Variants in SCG2 observed in about 807,000 individuals in gnomAD.
SCG2 encodes the protein secretogranin II.
A neutral mutation model predicts 49.5 loss-of-function variants in SCG2; 23 were observed. The observed-to-expected ratio is 0.46, with a 90% CI of 0.33 to 0.66. The LOEUF is 0.66. Among genes scored for constraint, SCG2 ranks in the 30% least tolerant of loss-of-function variants. The pLI is 0.01. For synonymous variants in SCG2, 288 were observed against 260.4 expected, an observed-to-expected ratio of 1.11 and a Z score of -1.02; for missense variants, 730 against 728.2, an observed-to-expected ratio of 1.00 and a Z score of -0.03.
At chr2:223,600,721 A>T (rs1691377237) in intron 1 of SCG2, among the ~76,000 whole-genome samples, 1 of 152,116 alleles carries the variant, frequency 6.6e-6, no homozygotes, top group Non-Finnish European at 1.5e-5. Context: ...CTTAGTTATG[A>T]AAACATTTTA....
Position 223,597,636 on chromosome 2 carries a change from C to A in SCG2, c.1647G>T (p.Glu549Asp). Residue 549 changes from glutamate (E) to aspartate (D), a missense_variant, in exon 2 of 2, where the codon GAG (glutamate) becomes GAT (aspartate). By Grantham distance (45) the Glu-to-Asp change is conservative. Coordinates refer to ENST00000305409, the MANE Select transcript of SCG2 (RefSeq NM_003469.5). ...CCTGAGAGCTGCCTTGATTCAAATG[C>A]TCTTTGATGGCCTGCTCAATTTGTT... ...EEEQIEQAIK[E>D]HLNQGSSQET... is the part of the protein sequence containing the mutation. The A allele has an allele frequency of 5.0e-6, 8 of 1,614,082 alleles. No individual in the cohort carries two copies. The highest frequency in any genetic ancestry group is 6.8e-6 in the Non-Finnish European group (8 of 1,179,988).
intron 1 of SCG2, among the ~76,000 whole-genome samples, chr2:223,601,091 C>T (rs897127553): frequency 6.6e-6 from 1 of 152,102 alleles, no homozygotes; most frequent in Non-Finnish European, 1.5e-5. Flanking sequence ...CTGCACTTTG[C>T]TGTAAAGTTG....
rs1278465420 is a variant in SCG2 at position 223,598,049 on chromosome 2, T to G, written c.1234A>C (p.Lys412Gln). The G allele has an allele frequency of 2.5e-5, 40 of 1,607,478 alleles. No individual in the cohort carries two copies. The Admixed American group carries it at 6.7e-4, about 27-fold the overall frequency. The change falls in exon 2 of 2, where the codon AAG becomes CAG. Residue 412 changes from lysine to glutamine, a missense_variant. Physicochemically the swap from Lys to Gln is moderately conservative, Grantham distance 53 (BLOSUM62 1). Coordinates refer to ENST00000305409, the MANE Select transcript of SCG2 (RefSeq NM_003469.5). ...PDLFQNRMLSKSGYPKTPGRA... is the reference protein window; with the variant it reads ...PDLFQNRMLSQSGYPKTPGRA... ...CCAGGTGTTTTAGGGTAGCCACTCT[T>G]GGAGAGCATCCTATTTTGGAACAGG...
chr2:223,599,987 G>A (rs1262763554), intron 1 of SCG2, among the ~76,000 whole-genome samples: 1 of 152,120 alleles, frequency 6.6e-6, no homozygotes, highest in Admixed American at 6.5e-5. Context: ...CAGAACACGG[G>A]TCTTCTCAGA....
At chr2:223,599,382 G>C in intron 1 of SCG2, 86 bp from the exon 2 acceptor site, 1,271 of 1,021,176 alleles carry the variant, frequency 1.2e-3, no homozygotes, top group Non-Finnish European at 1.6e-3. Flanking sequence ...TTGAGGTGAG[G>C]AAAAAACATA....
rs1239394565 is a variant in SCG2, at chr2:223,598,180, A to G, written c.1103T>C (p.Met368Thr). 1 of 1,614,114 alleles carries G rather than the reference A, an allele frequency of 6.2e-7. No homozygotes were observed. The highest frequency in any genetic ancestry group is 1.7e-5 in the Admixed American group (1 of 60,004). Residue 368 changes from methionine (M) to threonine (T), a missense_variant, in exon 2 of 2, where the codon ATG becomes ACG. By Grantham distance (81) the Met-to-Thr change is moderately conservative (BLOSUM62 -1). Coordinates refer to ENST00000305409, the MANE Select transcript of SCG2 (RefSeq NM_003469.5). Reference protein sequence around the residue: ...LQIPPEDLIEMLKTGEKPNGS... With the variant: ...LQIPPEDLIETLKTGEKPNGS... ...ATTCGGCTTCTCCCCAGTTTTGAGC[A>G]TCTCAATTAAGTCTTCTGGGGGTAT...
chr2:223,599,927 A>T (rs1387920395), intron 1 of SCG2, among the ~76,000 whole-genome samples: 1 of 152,204 alleles, frequency 6.6e-6, no homozygotes, highest in Non-Finnish European at 1.5e-5. Flanking sequence ...TTTTTCAGAA[A>T]TAACTTGTTC....
intron 1 of SCG2, 119 bp from the exon 2 acceptor site, chr2:223,599,415 C>A: frequency 1.3e-6 from 1 of 785,530 alleles, no homozygotes; most frequent in Non-Finnish European, 1.9e-6. Context: ...TCACATTAAG[C>A]TTAGGATAAC....
At position 223,597,988 on chromosome 2, in the gene SCG2, C is replaced by T. The variant is rs1200159958; in HGVS notation, c.1295G>A (p.Ser432Asn). The change falls in exon 2 of 2, where the codon AGT becomes AAT. Residue 432 changes from serine (S) to asparagine (N), a missense_variant. Physicochemically the swap from Ser to Asn is conservative, Grantham distance 46. Transcript: ENST00000305409. ...TAAAAGATTTAAAATATCCTCAACA[C>T]TGAGCCCGTCTGGTAGGGCCTCAGT... ...AGTEALPDGL[S>N]VEDILNLLGM... 4.3e-6 allele frequency: 7 copies of T among 1,614,048 alleles called. No individual in the cohort carries two copies. The highest frequency in any genetic ancestry group is 5.9e-6 in the Non-Finnish European group (7 of 1,179,980).
chr2:223,598,668 C>T lies in SCG2; in HGVS notation c.615G>A (p.Leu205=). Residue 205 remains leucine, a synonymous_variant, in exon 2 of 2, where the codon CTG becomes CTA. Coordinates refer to ENST00000305409, the MANE Select transcript of SCG2 (RefSeq NM_003469.5). ...LATLESVFQE[L]GKLTGPNNQK... is the part of the protein sequence containing the mutation. ...GGTTGTTTGGTCCTGTCAGTTTCCC[C>T]AGCTCTTGGAAGACAGATTCCAATG... The T allele has an allele frequency of 1.2e-6, 2 of 1,614,052 alleles. No homozygotes were observed. Among genetic ancestry groups the T allele is most frequent in the Non-Finnish European group, 1.7e-6 (2 of 1,180,038 alleles).
chr2:223,602,220 A>T (rs992625050), intron 1 of SCG2, 65 bp downstream of exon 1: 1 of 152,222 alleles, frequency 6.6e-6, no homozygotes, highest in Non-Finnish European at 1.5e-5. Context: ...CTTCTCAGCT[A>T]GGAATTAAAA....
At chr2:223,601,011 T>G (rs993599596) in intron 1 of SCG2, among the ~76,000 whole-genome samples, 4 of 152,190 alleles carry the variant, frequency 2.6e-5, no homozygotes, top group Non-Finnish European at 4.4e-5. Context: ...TTATTTTTTT[T>G]GAAGCCACAA....
intron 1 of SCG2, among the ~76,000 whole-genome samples, chr2:223,601,036 T>C (rs889900461): frequency 6.6e-6 from 1 of 152,186 alleles, no homozygotes; most frequent in African/African-American, 2.4e-5. Context: ...GAAATAGTCT[T>C]AACATGTGGA....
chr2:223,599,684 A>G (rs1286482670), intron 1 of SCG2, among the ~76,000 whole-genome samples: 1 of 152,198 alleles, frequency 6.6e-6, no homozygotes, highest in African/African-American at 2.4e-5. Context: ...TTATATATTG[A>G]AGTCTATTGG....
chr2:223,599,389 C>A, intron 1 of SCG2, 93 bp from the exon 2 acceptor site: 1 of 1,014,036 alleles, frequency 9.9e-7, no homozygotes, highest in South Asian at 2.5e-5. Flanking sequence ...GAGGAAAAAA[C>A]ATAGTAGATA....
rs201064129 is a variant in SCG2, at chr2:223,597,492, G to C, written c.1791C>G (p.Leu597=). 7 of 1,613,834 alleles carry C rather than the reference G, an allele frequency of 4.3e-6. No individual in the cohort carries two copies. The East Asian group carries it at 1.6e-4, about 36-fold the overall frequency. ...TTCCCTTTTCTGCCTTTTCTTGGTT[G>C]AGGTATTCCAGCACTTTCATTAACA... The part of the protein sequence containing the change: ...EDLLMKVLEY[L]NQEKAEKGRE... Residue 597 remains leucine, a synonymous_variant, in exon 2 of 2, where the codon CTC becomes CTG. Transcript: ENST00000305409.
rs1417204741 is a variant in SCG2, at chr2:223,599,329, G to A, written c.-14-33C>T. Reference sequence around the variant, plus strand: ...CATAAAAAATATGAGTTACACAAATGAAACAAACTAGAAGACACTATAGCA... The same window carrying A: ...CATAAAAAATATGAGTTACACAAATAAAACAAACTAGAAGACACTATAGCA... On this transcript the variant is annotated intron_variant, in intron 1 of 1. Transcript: ENST00000305409. 3 of 1,502,584 alleles carry A rather than the reference G, an allele frequency of 2.0e-6. No individual in the cohort carries two copies. The Admixed American group carries it at 6.6e-5, about 33-fold the overall frequency. The allele number at this position is 1,502,584 out of a possible 1,614,324, so 93.1% of individuals were successfully genotyped here.
In SCG2 at chr2:223,598,356, T is replaced by C. The variant is rs1430446359; in HGVS notation, c.927A>G (p.Lys309=). Reference sequence around the variant, plus strand: ...CTAACCTTTTCAAATAGGCAATTACTTTGGAGACATCATCTGAGAGTTGGT... The same window carrying C: ...CTAACCTTTTCAAATAGGCAATTACCTTGGAGACATCATCTGAGAGTTGGT... ...SKDQLSDDVS[K]VIAYLKRLVN... Residue 309 remains lysine (K), a synonymous_variant, in exon 2 of 2, where the codon AAA becomes AAG. Coordinates refer to ENST00000305409, the MANE Select transcript of SCG2 (RefSeq NM_003469.5). 6.2e-7 allele frequency: 1 copy of C among 1,614,072 alleles called. No homozygotes were observed. Among genetic ancestry groups the C allele is most frequent in the Admixed American group, 1.7e-5 (1 of 60,032 alleles).
chr2:223,601,356 T>C (rs1223533347), intron 1 of SCG2, among the ~76,000 whole-genome samples: 2 of 152,198 alleles, frequency 1.3e-5, no homozygotes, highest in Non-Finnish European at 1.5e-5. Flanking sequence ...ATAGCTATCA[T>C]TAAAATCTCT....
Sources: allele counts gnomAD v4.1 joint callset (sites outside exome capture counted in the v4.1 genomes callset), GRCh38; gene constraint gnomAD v4.1.1; transcripts MANE v1.5; gene names NCBI Gene and HGNC (gene_info 2026-07-23, HGNC 2026-07-21).